Variants in HDAC2 observed in about 807,000 individuals in gnomAD.
The protein encoded by HDAC2 is histone deacetylase 2.
A neutral mutation model predicts 68.5 loss-of-function variants in HDAC2; 5 were observed. That is an observed-to-expected ratio of 0.07 (90% CI 0.04 to 0.15). The LOEUF (loss-of-function observed/expected upper bound fraction) is 0.15, where lower values mean the gene tolerates loss of function less well. Among genes scored for constraint, HDAC2 ranks in the 10% least tolerant of loss-of-function variants. The pLI is 1.00. For missense variants in HDAC2, 291 were observed against 600.8 expected (o/e 0.48, Z 5.39); for synonymous variants, 182 against 191.3 (o/e 0.95, Z 0.40).
At position 113,933,950 on chromosome 6, in the gene HDAC2, G is replaced by A. The variant is rs1009905941; in HGVS notation, c.*7108C>T. On this transcript the variant is annotated 3_prime_UTR_variant, in exon 14 of 14. Coordinates refer to ENST00000519065, the MANE Select transcript of HDAC2 (RefSeq NM_001527.4). ...TCCTGTCTCCTGACTGAACGCTGAT[G>A]CAGGGAAACTCTGGTCTCTGACTTT... The A allele has an allele frequency of 7.2e-5, 11 of 151,884 alleles. No homozygotes were observed. Among genetic ancestry groups the A allele is most frequent in the African/African-American group, 2.7e-4 (11 of 41,382 alleles). 9.4% of individuals were successfully genotyped at this position (151,884 alleles called of 1,614,324 possible).
rs1424957532 is a variant in HDAC2 at position 113,938,918 on chromosome 6, C to CA, written c.*2139dup. 2.6e-5 allele frequency: 4 copies of CA among 152,146 alleles called. No individual in the cohort carries two copies. The highest frequency in any genetic ancestry group is 9.7e-5 in the African/African-American group (4 of 41,424). 9.4% of individuals were successfully genotyped at this position (152,146 alleles called of 1,614,324 possible). A position where few individuals can be genotyped will look rare whatever the true frequency, so the allele number is the denominator to read the frequency against. ...GTATATAACCAACTACTTAGAAAAA[C>CA]AAAACCTCTTAAATACACCCAAGGA... On this transcript the variant is annotated 3_prime_UTR_variant, in exon 14 of 14. Coordinates refer to ENST00000519065, the MANE Select transcript of HDAC2 (RefSeq NM_001527.4).
rs1477809457 is a variant in HDAC2, at chr6:113,939,393, A to T, written c.*1665T>A. On this transcript the variant is annotated 3_prime_UTR_variant, in exon 14 of 14. Coordinates refer to ENST00000519065, the MANE Select transcript of HDAC2 (RefSeq NM_001527.4). ...GTCCACCAAAATCCCACAAATCACC[A>T]CTAAAGAACTTAATCATGTAACCAA... 1 of 152,264 alleles carries T rather than the reference A, an allele frequency of 6.6e-6. No homozygotes were observed. Among genetic ancestry groups the T allele is most frequent in the South Asian group, 2.1e-4 (1 of 4,846 alleles). 9.4% of individuals were successfully genotyped at this position (152,264 alleles called of 1,614,324 possible). A position where few individuals can be genotyped will look rare whatever the true frequency, so the allele number is the denominator to read the frequency against.
At chr6:113,947,077 T>A (rs1420680748) in intron 8 of HDAC2, 1 of 152,202 alleles carries the variant, frequency 6.6e-6, no homozygotes, top group African/African-American at 2.4e-5. Context: ...GTGATTTACA[T>A]AATTCTAGCA....
Position 113,944,358 on chromosome 6 carries a change from T to C in HDAC2, c.1144A>G (p.Met382Val), listed in dbSNP as rs1562140843. 1.2e-6 allele frequency: 2 copies of C among 1,609,004 alleles called. No homozygotes were observed. The highest frequency in any genetic ancestry group is 1.7e-6 in the Non-Finnish European group (2 of 1,175,302). ...ACAGCATCTTCTGGAATAGCTTGCA[T>C]CTGGACACCAGGTGCATGAGGTAAC... ...RMLPHAPGVQ[M>V]QAIPEDAVHE... is the part of the protein sequence containing the mutation. The change falls in exon 11 of 14, where the codon ATG (methionine) becomes GTG (valine). Residue 382 changes from methionine (M) to valine (V), a missense_variant. Met to Val is a conservative substitution (Grantham distance 21). This residue lies in a region of HDAC2 where 137 missense variants were observed against 128.7 expected (regional missense o/e 1.06). Coordinates refer to ENST00000519065, the MANE Select transcript of HDAC2 (RefSeq NM_001527.4).
intron 1 of HDAC2, among the ~76,000 whole-genome samples, chr6:113,963,113 C>T (rs543499732): frequency 2.6e-5 from 4 of 151,768 alleles, no homozygotes; most frequent in East Asian, 3.9e-4. Context: ...GATGGAGTTT[C>T]GCTCTTGTCA....
chr6:113,962,014 T>G (rs555542882), intron 1 of HDAC2, among the ~76,000 whole-genome samples: 13 of 151,352 alleles, frequency 8.6e-5, no homozygotes, highest in African/African-American at 3.2e-4. Flanking sequence ...TGATGCACAC[T>G]GAAAATCCAG....
chr6:113,952,110 CAG>C (rs1056116405), intron 6 of HDAC2, among the ~76,000 whole-genome samples: 3 of 152,096 alleles, frequency 2.0e-5, no homozygotes, highest in Admixed American at 6.5e-5. Context: ...AAGAATCACC[CAG>C]AGTTTCTGGG....
In HDAC2 at chr6:113,935,490, AG is replaced by A. The variant is rs1256827599; in HGVS notation, c.*5567del. ...ATGTTTATTTCTGAAGAAACAAAAA[AG>A]ATGACTAGTAGAGGATACAAGAGAA... On this transcript the variant is annotated 3_prime_UTR_variant, in exon 14 of 14. Transcript: ENST00000519065. 6.6e-6 allele frequency: 1 copy of A among 152,250 alleles called. No homozygotes were observed. Among genetic ancestry groups the A allele is most frequent in the African/African-American group, 2.4e-5 (1 of 41,466 alleles). 9.4% of individuals were successfully genotyped at this position (152,250 alleles called of 1,614,324 possible).
chr6:113,950,870 G>A (rs1776396885), intron 6 of HDAC2, among the ~76,000 whole-genome samples: 1 of 152,126 alleles, frequency 6.6e-6, no homozygotes, highest in African/African-American at 2.4e-5. Flanking sequence ...AGAGTTATGA[G>A]ACCCAACATC....
intron 3 of HDAC2, chr6:113,958,393 T>C: frequency 3.1e-6 from 1 of 320,762 alleles, no homozygotes. Context: ...CCAATATGTA[T>C]TAACCCAAAG....
chr6:113,951,669 G>T (rs1003187827), intron 6 of HDAC2, among the ~76,000 whole-genome samples: 2 of 151,856 alleles, frequency 1.3e-5, no homozygotes, highest in Non-Finnish European at 2.9e-5. Context: ...GGGTGTCACT[G>T]TGTTAGCCAG....
At position 113,970,851 on chromosome 6, in the gene HDAC2, G is replaced by T; in HGVS notation, c.52+6C>A. ...CGCCCACCCCGACACCGGCCCGGCC[G>T]CTCACCGTCGTAGTAGTAGCAGACT... On this transcript the variant is annotated splice_donor_region_variant and intron_variant, in intron 1 of 13. Transcript: ENST00000519065. 6.5e-7 allele frequency: 1 copy of T among 1,538,168 alleles called. No individual in the cohort carries two copies.
intron 11 of HDAC2, among the ~76,000 whole-genome samples, 155 bp from the exon 12 acceptor site, chr6:113,943,661 G>C (rs1053418705): frequency 3.3e-5 from 5 of 152,134 alleles, no homozygotes; most frequent in African/African-American, 1.2e-4. Context: ...GGAATGAATG[G>C]TTTATTTAAT....
At chr6:113,945,976 T>C (rs747878891) in intron 9 of HDAC2, 32 bp downstream of exon 9, 2 of 1,559,642 alleles carry the variant, frequency 1.3e-6, no homozygotes, top group African/African-American at 1.4e-5. Flanking sequence ...TGACAGTTCA[T>C]ACAATAAAGA....
intron 6 of HDAC2, 143 bp downstream of exon 6, chr6:113,953,134 A>T: frequency 1.7e-6 from 1 of 581,466 alleles, no homozygotes; most frequent in Non-Finnish European, 2.9e-6. Context: ...GAATTCTAGC[A>T]AATGTTACTG....
chr6:113,954,313 C>T (rs1331745027), intron 5 of HDAC2, among the ~76,000 whole-genome samples: 1 of 152,114 alleles, frequency 6.6e-6, no homozygotes, highest in Non-Finnish European at 1.5e-5. Flanking sequence ...ATTGATATTT[C>T]CAGACTAAGC....
intron 3 of HDAC2, 138 bp downstream of exon 3, chr6:113,958,509 TAA>T (rs566049683): frequency 1.1e-5 from 6 of 569,892 alleles, no homozygotes; most frequent in African/African-American, 1.9e-5. Flanking sequence ...TTAGTAGTGT[TAA>T]AATGACTTTT....
rs776039140 is a variant in HDAC2, at chr6:113,958,746, G to A, written c.186C>T (p.Ala62=). 63 of 1,605,368 alleles carry A rather than the reference G, an allele frequency of 3.9e-5. No homozygotes were observed. Among genetic ancestry groups the A allele is most frequent in the Middle Eastern group, 3.3e-4 (2 of 6,062 alleles). ...CACTGTGATATTTTGTCATTTCTTC[G>A]GCAGTGGCTTTATGGGGCCTCTGTG... ...MEIYRPHKAT[A]EEMTKYHSDE... is the part of the protein sequence containing the mutation. The change falls in exon 3 of 14, where the codon GCC becomes GCT. Residue 62 remains alanine, a synonymous_variant. Coordinates refer to ENST00000519065, the MANE Select transcript of HDAC2 (RefSeq NM_001527.4).
intron 6 of HDAC2, among the ~76,000 whole-genome samples, chr6:113,952,386 G>C (rs144510302): frequency 1.3e-3 from 194 of 152,288 alleles, no homozygotes; most frequent in African/African-American, 4.5e-3. Flanking sequence ...TTTACTCAAA[G>C]AGTTTACTGA....
Sources: allele counts gnomAD v4.1 joint callset (sites outside exome capture counted in the v4.1 genomes callset), GRCh38; gene constraint gnomAD v4.1.1; regional missense constraint gnomAD v4.1.1; transcripts MANE v1.5; gene names NCBI Gene and HGNC (gene_info 2026-07-23, HGNC 2026-07-21).